KCNA6: variants seen among roughly 807,000 people sequenced by gnomAD.
KCNA6 encodes potassium voltage-gated channel subfamily A member 6.
In KCNA6, 17 loss-of-function variants were observed where a neutral mutation model predicts 29.5. That is an observed-to-expected ratio of 0.58 (90% CI 0.39 to 0.86). KCNA6 has a LOEUF of 0.86. KCNA6 is among the 40% of genes least tolerant of loss of function. The pLI, the probability that KCNA6 is intolerant of heterozygous loss-of-function variation, is 0.00. For missense variants in KCNA6, 450 were observed against 703.4 expected (o/e 0.64, Z 4.07); for synonymous variants, 296 against 304.7 (o/e 0.97, Z 0.30).
the KCNA6 span, among the ~76,000 whole-genome samples, chr12:4,821,278 G>C: frequency 6.6e-6 from 1 of 152,178 alleles, no homozygotes; most frequent in Non-Finnish European, 1.5e-5. Context: ...GTCCGGTATG[G>C]TGGGGAAAAT....
At chr12:4,814,507 G>A (rs1468247395), downstream of KCNA6, 2 of 167,102 alleles carry the variant, frequency 1.2e-5, no homozygotes, top group African/African-American at 4.8e-5. The surrounding 1 kb of genome is among the most constrained non-coding windows in gnomAD (Gnocchi z 4.6). Context: ...GCTGTAGCTC[G>A]ACCTAGTTTC....
Position 4,811,536 on chromosome 12 carries a change from C to T in KCNA6, c.1495C>T (p.Pro499Ser). The T allele has an allele frequency of 6.2e-7, 1 of 1,614,202 alleles. No homozygotes were observed. Among genetic ancestry groups the T allele is most frequent in the Non-Finnish European group, 8.5e-7 (1 of 1,180,032 alleles). The change falls in exon 1 of 1, where the codon CCT (proline) becomes TCT (serine). Residue 499 changes from proline (P) to serine (S), a missense_variant. By Grantham distance (74) the Pro-to-Ser change is moderately conservative. Coordinates refer to ENST00000280684, the Ensembl canonical transcript of KCNA6. This position sits in a 1 kb window ranked among gnomAD's most constrained non-coding sequence, Gnocchi z 7.1. ...GGCAACTGACAACGGACTTGGCAAGCCTGACTTCCCCGAGGCTAACCGGGA... is the reference window on the plus strand; with the variant it reads ...GGCAACTGACAACGGACTTGGCAAGTCTGACTTCCCCGAGGCTAACCGGGA...
At chr12:4,842,897 A>T in the KCNA6 span, among the ~76,000 whole-genome samples, 1 of 152,150 alleles carries the variant, frequency 6.6e-6, no homozygotes, top group African/African-American at 2.4e-5. Context: ...ATGCAGGTGG[A>T]CCAATTATAA....
chr12:4,816,905 C>T (rs764700), downstream of KCNA6, among the ~76,000 whole-genome samples: 2 of 152,200 alleles, frequency 1.3e-5, no homozygotes, highest in African/African-American at 4.8e-5. Context: ...ACCCTCCCTT[C>T]CCTCTCCTTG....
the KCNA6 span, among the ~76,000 whole-genome samples, chr12:4,819,206 C>T: frequency 1.3e-5 from 2 of 152,194 alleles, no homozygotes; most frequent in South Asian, 4.1e-4. Context: ...AGTACTGCCA[C>T]TGATCTCCCT....
chr12:4,818,905 TATACATACATACAC>T, the KCNA6 span, among the ~76,000 whole-genome samples: 23 of 152,040 alleles, frequency 1.5e-4, no homozygotes, highest in African/African-American at 4.8e-4. Context: ...CATAAATATA[TATACATACATACAC>T]ATACATACAT....
At chr12:4,822,331 G>C in the KCNA6 span, among the ~76,000 whole-genome samples, 3 of 152,214 alleles carry the variant, frequency 2.0e-5, no homozygotes, top group African/African-American at 7.2e-5. Flanking sequence ...GAGCCTTCCT[G>C]TGTGATTTCA....
At chr12:4,838,329 C>T in the KCNA6 span, among the ~76,000 whole-genome samples, 1 of 152,158 alleles carries the variant, frequency 6.6e-6, no homozygotes, top group Admixed American at 6.5e-5. Flanking sequence ...CCTGCAGCCT[C>T]GTGGCTCCTG....
the KCNA6 span, among the ~76,000 whole-genome samples, chr12:4,848,951 C>T: frequency 6.6e-6 from 1 of 151,772 alleles, no homozygotes; most frequent in African/African-American, 2.4e-5. Context: ...GAAACCCCGT[C>T]TCTGCTAAAA....
At chr12:4,833,323 C>T in the KCNA6 span, among the ~76,000 whole-genome samples, 1 of 152,162 alleles carries the variant, frequency 6.6e-6, no homozygotes, top group Non-Finnish European at 1.5e-5. Flanking sequence ...GTGGTCATCT[C>T]TAGGTTGATC....
chr12:4,843,380 C>G, the KCNA6 span, among the ~76,000 whole-genome samples: 4 of 152,006 alleles, frequency 2.6e-5, no homozygotes, highest in Non-Finnish European at 5.9e-5. Context: ...CAGGGTTTCA[C>G]CGTGTTAGCC....
chr12:4,817,189 G>T (rs550528185), downstream of KCNA6, among the ~76,000 whole-genome samples: 2 of 152,342 alleles, frequency 1.3e-5, no homozygotes, highest in East Asian at 1.9e-4. Flanking sequence ...GGGAGGAAAA[G>T]AATTCCATTT....
At chr12:4,849,858 G>C in the KCNA6 span, among the ~76,000 whole-genome samples, 1,640 of 152,314 alleles carry the variant, frequency 0.011, 32 homozygotes, top group African/African-American at 0.039. Flanking sequence ...CGTTGCTTCC[G>C]TTTCACGTGC....
the KCNA6 span, among the ~76,000 whole-genome samples, chr12:4,840,974 T>C: frequency 6.6e-6 from 1 of 152,238 alleles, no homozygotes; most frequent in African/African-American, 2.4e-5. Context: ...ATAGTCTTAC[T>C]CCTTAGAAGG....
At chr12:4,813,678 G>A (rs1205782079), downstream of KCNA6, 1 of 167,022 alleles carries the variant, frequency 6.0e-6, no homozygotes, top group Admixed American at 6.5e-5. Flanking sequence ...AGATGTTTAT[G>A]ATGCAAAAAC....
the KCNA6 span, among the ~76,000 whole-genome samples, chr12:4,834,433 G>T: frequency 1.2e-3 from 185 of 152,266 alleles, 1 homozygote; most frequent in African/African-American, 4.4e-3. Context: ...AGGCACTAGA[G>T]AATTAAAGGT....
At chr12:4,849,489 C>CTTTTTTTTTTTTTTTTTTTTT in the KCNA6 span, among the ~76,000 whole-genome samples, 1 of 101,432 alleles carries the variant, frequency 9.9e-6, no homozygotes, top group African/African-American at 3.9e-5. Flanking sequence ...GATTTTTGCT[C>CTTTTTTTTTTTTTTTTTTTTT]TTTTTTTTTT....
the KCNA6 span, among the ~76,000 whole-genome samples, chr12:4,827,137 C>CCTCCCTCT: frequency 6.8e-6 from 1 of 147,506 alleles, no homozygotes. Context: ...TCTTTTCCTC[C>CCTCCCTCT]CTCCCTCTCT....
Position 4,811,242 on chromosome 12 carries a change from G to T in KCNA6, c.1201G>T (p.Asp401Tyr). ...TGCCGTCTACTTCGCAGAGGCTGAC[G>T]ATGACGATTCGCTTTTTCCCAGCAT... is the stretch of plus-strand genomic sequence containing the variant. Residue 401 changes from aspartate to tyrosine, a missense_variant, in exon 1 of 1, where the codon GAT (aspartate) becomes TAT (tyrosine). Asp to Tyr is a radical substitution (Grantham distance 160). This residue lies in a region of KCNA6 where 57 missense variants were observed against 140.3 expected (regional missense o/e 0.41). Coordinates refer to ENST00000280684, the Ensembl canonical transcript of KCNA6. This position sits in a 1 kb window ranked among gnomAD's most constrained non-coding sequence, Gnocchi z 7.1. 6.2e-7 allele frequency: 1 copy of T among 1,614,226 alleles called. No individual in the cohort carries two copies. Among genetic ancestry groups the T allele is most frequent in the Non-Finnish European group, 8.5e-7 (1 of 1,180,036 alleles).
Sources: gnomAD v4.1 joint callset for allele counts (sites outside exome capture counted in the v4.1 genomes callset) on GRCh38, gnomAD v4.1.1 for gene constraint, gnomAD v4.1.1 regional missense constraint, Gnocchi (gnomAD v3.1) non-coding constraint, MANE v1.5 for transcripts, NCBI Gene and HGNC (gene_info 2026-07-23, HGNC 2026-07-21) for gene names.